ARHGAP44: variants seen among roughly 807,000 people sequenced by gnomAD.
ARHGAP44 encodes rho GTPase-activating protein 44.
Under a neutral mutation model 106.8 loss-of-function variants are expected in ARHGAP44, and 43 were observed. The observed-to-expected ratio is 0.40, with a 90% CI of 0.32 to 0.52. The LOEUF (loss-of-function observed/expected upper bound fraction) is 0.52. Among genes scored for constraint, ARHGAP44 ranks in the 20% least tolerant of loss-of-function variants. The pLI is 0.48. For synonymous variants in ARHGAP44, 439 were observed against 410.3 expected (o/e 1.07, Z -0.85); for missense variants, 866 against 1,050.5 (o/e 0.82, Z 2.43).
intron 1 of ARHGAP44, among the ~76,000 whole-genome samples, chr17:12,882,951 A>G (rs116752510): frequency 0.016 from 2,482 of 152,064 alleles, 81 homozygotes; most frequent in African/African-American, 0.057. Flanking sequence ...TTTTCATAAT[A>G]GTATATTAGG....
At chr17:12,878,102 G>A (rs1184903547) in intron 1 of ARHGAP44, among the ~76,000 whole-genome samples, 1 of 152,188 alleles carries the variant, frequency 6.6e-6, no homozygotes, top group African/African-American at 2.4e-5. Context: ...GGAAATGACA[G>A]GTGAACTAAA....
chr17:12,941,866 T>TA (rs1253402337), intron 8 of ARHGAP44, among the ~76,000 whole-genome samples: 1 of 152,142 alleles, frequency 6.6e-6, no homozygotes, highest in African/African-American at 2.4e-5. Context: ...AAAAATCAGT[T>TA]ATGCTCACCT....
intron 1 of ARHGAP44, among the ~76,000 whole-genome samples, chr17:12,830,201 A>G (rs3785730): frequency 7.2e-5 from 11 of 152,142 alleles, no homozygotes; most frequent in Admixed American, 2.6e-4. Context: ...TCTTTTTCCT[A>G]TGATTGCTAA....
chr17:12,976,450 T>C (rs2039684545), intron 18 of ARHGAP44, among the ~76,000 whole-genome samples: 1 of 151,600 alleles, frequency 6.6e-6, no homozygotes, highest in Non-Finnish European at 1.5e-5. Context: ...CCATCTCTAC[T>C]AAAAATACAA....
intron 18 of ARHGAP44, 129 bp from the exon 19 acceptor site, chr17:12,979,929 A>C (rs73978294): frequency 0.045 from 47,193 of 1,041,084 alleles, 1,209 homozygotes; most frequent in African/African-American, 0.091. Context: ...GGAAGGGGCC[A>C]AGACAGACCA....
chr17:12,877,258 CA>C (rs554066113), intron 1 of ARHGAP44, among the ~76,000 whole-genome samples: 4 of 152,222 alleles, frequency 2.6e-5, no homozygotes, highest in African/African-American at 9.6e-5. Context: ...AAACGAACAC[CA>C]TCATCTAAAT....
intron 1 of ARHGAP44, among the ~76,000 whole-genome samples, chr17:12,865,663 C>T (rs2036218404): frequency 6.6e-6 from 1 of 151,922 alleles, no homozygotes; most frequent in Non-Finnish European, 1.5e-5. Flanking sequence ...GTGGCGGGCA[C>T]CTATAGTCCC....
At chr17:12,928,515 G>C (rs1206564082) in intron 6 of ARHGAP44, among the ~76,000 whole-genome samples, 2 of 151,766 alleles carry the variant, frequency 1.3e-5, no homozygotes, top group African/African-American at 2.4e-5. Context: ...ATTCCATACT[G>C]TGTGTGTGTG....
chr17:12,841,579 C>CTGTCTGTCTG (rs1468204398), intron 1 of ARHGAP44, among the ~76,000 whole-genome samples: 7 of 127,202 alleles, frequency 5.5e-5, no homozygotes, highest in Non-Finnish European at 1.1e-4. Flanking sequence ...GAGACCCTGT[C>CTGTCTGTCTG]TCTCTGTCTC....
At chr17:12,907,912 T>G (rs2037603996) in intron 3 of ARHGAP44, among the ~76,000 whole-genome samples, 1 of 152,234 alleles carries the variant, frequency 6.6e-6, no homozygotes, top group Non-Finnish European at 1.5e-5. Flanking sequence ...CTGCACCAGT[T>G]TAAACATCTA....
At chr17:12,979,559 T>C (rs1003930260) in intron 18 of ARHGAP44, among the ~76,000 whole-genome samples, 2 of 151,760 alleles carry the variant, frequency 1.3e-5, no homozygotes, top group Non-Finnish European at 2.9e-5. Context: ...GCCTGGGGGG[T>C]GGCTGGAGGC....
intron 7 of ARHGAP44, among the ~76,000 whole-genome samples, chr17:12,939,744 G>A (rs2038654820): frequency 6.6e-6 from 1 of 152,210 alleles, no homozygotes; most frequent in Admixed American, 6.5e-5. Flanking sequence ...GGGATTACAG[G>A]CGTGAGCCAC....
intron 1 of ARHGAP44, among the ~76,000 whole-genome samples, chr17:12,792,479 G>T (rs2033795151): frequency 6.6e-6 from 1 of 152,164 alleles, no homozygotes; most frequent in Non-Finnish European, 1.5e-5. Context: ...GTCCGTGAGG[G>T]TCAGCGAGAG....
chr17:12,897,475 A>G (rs974327221), intron 3 of ARHGAP44, among the ~76,000 whole-genome samples: 2 of 150,648 alleles, frequency 1.3e-5, no homozygotes, highest in Non-Finnish European at 3.0e-5. Context: ...TTCTTTCTTA[A>G]TATTCCCAGC....
At chr17:12,868,417 C>T (rs1161366922) in intron 1 of ARHGAP44, among the ~76,000 whole-genome samples, 2 of 151,664 alleles carry the variant, frequency 1.3e-5, no homozygotes, top group African/African-American at 4.8e-5. Flanking sequence ...ACAGTTCAGT[C>T]CTTACCAACT....
chr17:12,809,567 A>G (rs2034378088), intron 1 of ARHGAP44, among the ~76,000 whole-genome samples: 1 of 152,212 alleles, frequency 6.6e-6, no homozygotes, highest in Admixed American at 6.5e-5. Flanking sequence ...GACCTGCCCC[A>G]TGATTCAATT....
intron 3 of ARHGAP44, among the ~76,000 whole-genome samples, chr17:12,903,927 G>T (rs2037470277): frequency 6.6e-6 from 1 of 152,148 alleles, no homozygotes; most frequent in Admixed American, 6.5e-5. Flanking sequence ...GGCATCTCTT[G>T]AGCAGATAAA....
chr17:12,975,795 C>CAAAAA (rs57364760), intron 18 of ARHGAP44, among the ~76,000 whole-genome samples: 6 of 69,394 alleles, frequency 8.6e-5, no homozygotes, highest in Non-Finnish European at 1.5e-4. Flanking sequence ...GACTCCGTCT[C>CAAAAA]AAAAAAAAAA....
chr17:12,985,075 G>A, intron 20 of ARHGAP44, 167 bp downstream of exon 20: 2 of 830,144 alleles, frequency 2.4e-6, no homozygotes, highest in East Asian at 5.5e-5. Context: ...CCCACCAATG[G>A]AAAGCAACCC....
Sources: gnomAD v4.1 joint callset for allele counts (sites outside exome capture counted in the v4.1 genomes callset) on GRCh38, gnomAD v4.1.1 for gene constraint, MANE v1.5 for transcripts, NCBI Gene and HGNC (gene_info 2026-07-23, HGNC 2026-07-21) for gene names.